The following REN variants were observed in gnomAD, a reference collection of about 807,000 sequenced individuals.
REN encodes renin.
A neutral mutation model predicts 48.6 loss-of-function variants in REN; 42 were observed. That is an observed-to-expected ratio of 0.86 (90% CI 0.68 to 1.12). The LOEUF (loss-of-function observed/expected upper bound fraction) is 1.12, where lower values mean the gene tolerates loss of function less well. Ranked by LOEUF, REN falls within the 50% of genes most tolerant of loss-of-function variation. The pLI, the probability that REN is intolerant of heterozygous loss-of-function variation, is 0.00. For missense variants in REN, 443 were observed against 527.3 expected (o/e 0.84, Z 1.57); for synonymous variants, 196 against 204.6 (o/e 0.96, Z 0.36).
chr1:204,159,247 T>C, intron 5 of REN, 152 bp downstream of exon 5: 1 of 729,728 alleles, frequency 1.4e-6, no homozygotes, highest in Admixed American at 2.0e-5. Flanking sequence ...ATTTCAATAG[T>C]GCCTTCCATA....
intron 4 of REN, among the ~76,000 whole-genome samples, 196 bp downstream of exon 4, chr1:204,160,364 T>C (rs532256918): frequency 6.6e-6 from 1 of 152,240 alleles, no homozygotes; most frequent in Non-Finnish European, 1.5e-5. Context: ...GGTGAGCCCG[T>C]AGCCCAGGCT....
rs1291070606 is a variant in REN at position 204,164,550 on chromosome 1, T to C, written c.98+1646A>G. Among the ~76,000 whole-genome samples the C allele has an allele frequency of 5.3e-5, 8 of 150,508 alleles. No homozygotes were observed. The East Asian group carries it at 1.6e-3, about 29-fold the overall frequency. On this transcript the variant is annotated intron_variant, in intron 1 of 9. Transcript: ENST00000272190. ...GAGGCCTTTTCTCAAATGCTGTCTCTTCCCCTTCTTCAGTCTTTTTTTTTT... is the reference window on the plus strand; with the variant it reads ...GAGGCCTTTTCTCAAATGCTGTCTCCTCCCCTTCTTCAGTCTTTTTTTTTT...
chr1:204,158,762 C>G (rs747449487), intron 5 of REN, among the ~76,000 whole-genome samples: 8 of 152,212 alleles, frequency 5.3e-5, no homozygotes, highest in Non-Finnish European at 7.3e-5. Context: ...GCCTGTGACA[C>G]TCTTTATGTT....
At position 204,155,116 on chromosome 1, in the gene REN, G is replaced by T; in HGVS notation, c.1121C>A (p.Pro374His). Reference sequence around the variant, plus strand: ...CCCCAGGGCCCAGGTGGGTCCAGTGGGTGGCGGGATATCCATGGCGTGGAT... The same window carrying T: ...CCCCAGGGCCCAGGTGGGTCCAGTGTGTGGCGGGATATCCATGGCGTGGAT... Reference protein sequence around the residue: ...LAIHAMDIPPPTGPTWALGAT... With the variant: ...LAIHAMDIPPHTGPTWALGAT... The change falls in exon 10 of 10, where the codon CCC becomes CAC. Residue 374 changes from proline to histidine, a missense_variant. Transcript: ENST00000272190. 6.2e-7 allele frequency: 1 copy of T among 1,614,244 alleles called. No individual in the cohort carries two copies. The highest frequency in any genetic ancestry group is 2.2e-5 in the East Asian group (1 of 44,884).
At position 204,156,075 on chromosome 1, in the gene REN, A is replaced by G. The variant is rs1658143063; in HGVS notation, c.960+103T>C. ...CACATGTGTGGAGAGTGTGAGGTGAACAAGCGAAGGCCTGAGATGGCCTCA... is the reference window on the plus strand; with the variant it reads ...CACATGTGTGGAGAGTGTGAGGTGAGCAAGCGAAGGCCTGAGATGGCCTCA... On this transcript the variant is annotated intron_variant, in intron 8 of 9. Coordinates refer to ENST00000272190, the MANE Select transcript of REN (RefSeq NM_000537.4). This position sits in a 1 kb window ranked among gnomAD's most constrained non-coding sequence, Gnocchi z 4.2. 1 of 1,558,184 alleles carries G rather than the reference A, an allele frequency of 6.4e-7. No individual in the cohort carries two copies. Among genetic ancestry groups the G allele is most frequent in the African/African-American group, 1.4e-5 (1 of 73,750 alleles).
Position 204,161,304 on chromosome 1 carries a change from A to G in REN, c.361T>C (p.Tyr121His), listed in dbSNP as rs1170054174. Reference protein sequence around the residue: ...WVPSSKCSRLYTACVYHKLFD... With the variant: ...WVPSSKCSRLHTACVYHKLFD... The stretch of plus-strand genomic sequence containing the variant: ...TCTTAGGTCTCACCACAGGCAGTGT[A>G]GAGACGGCTGCACTTGGAGGAGGGC... Residue 121 changes from tyrosine to histidine, a missense_variant, in exon 3 of 10, where the codon TAC (tyrosine) becomes CAC (histidine). By Grantham distance (83) the Tyr-to-His change is moderately conservative. Transcript: ENST00000272190. 6.2e-7 allele frequency: 1 copy of G among 1,607,526 alleles called. No individual in the cohort carries two copies. The highest frequency in any genetic ancestry group is 8.5e-7 in the Non-Finnish European group (1 of 1,176,930).
At chr1:204,159,809 G>A (rs145105357) in intron 4 of REN, among the ~76,000 whole-genome samples, 40 of 152,276 alleles carry the variant, frequency 2.6e-4, no homozygotes, top group African/African-American at 9.1e-4. Context: ...ACCAGGGATC[G>A]GAGAGCAGAG....
chr1:204,164,757 A>G (rs891602373), intron 1 of REN, among the ~76,000 whole-genome samples: 1 of 151,462 alleles, frequency 6.6e-6, no homozygotes, highest in African/African-American at 2.4e-5. Flanking sequence ...TTGTACAGAC[A>G]AGGTTTCACC....
At position 204,161,422 on chromosome 1, in the gene REN, G is replaced by A. The variant is rs1231429743; in HGVS notation, c.250-7C>T. On this transcript the variant is annotated splice_region_variant and splice_polypyrimidine_tract_variant and intron_variant, in intron 2 of 9. Coordinates refer to ENST00000272190, the MANE Select transcript of REN (RefSeq NM_000537.4). Reference sequence around the variant, plus strand: ...TCTCGCCATAGTACTGGGTCTGTGGGGGTAAAAAGAGAGGGCTGGAGGGGC... The same window carrying A: ...TCTCGCCATAGTACTGGGTCTGTGGAGGTAAAAAGAGAGGGCTGGAGGGGC... The A allele has an allele frequency of 2.2e-5, 34 of 1,539,858 alleles. No homozygotes were observed. The highest frequency in any genetic ancestry group is 2.9e-5 in the Non-Finnish European group (33 of 1,138,536).
intron 5 of REN, 30 bp downstream of exon 5, chr1:204,159,369 C>T (rs753176377): frequency 1.9e-6 from 3 of 1,601,736 alleles, no homozygotes; most frequent in Non-Finnish European, 2.6e-6. Context: ...CCTGTCCCCC[C>T]ACCTCAGCCC....
In REN at chr1:204,155,925, TG is replaced by T. The variant is rs748232669; in HGVS notation, c.961-8del. ...CGTTACACTTCACGACATACTGGGG[TG>T]GGGGGCAAAGAGAGCCTTCTTGAGT... On this transcript the variant is annotated splice_region_variant and splice_polypyrimidine_tract_variant and intron_variant, in intron 8 of 9. Transcript: ENST00000272190. 5.3e-5 allele frequency: 85 copies of T among 1,609,016 alleles called. No homozygotes were observed. The highest frequency in any genetic ancestry group is 2.5e-6 in the Non-Finnish European group (3 of 1,176,706).
chr1:204,160,753 G>A, intron 3 of REN, 75 bp from the exon 4 acceptor site: 1 of 1,034,678 alleles, frequency 9.7e-7, no homozygotes. Context: ...GGTGCATTGT[G>A]GGTATGGCTG....
rs1447924651 is a variant in REN at position 204,156,031 on chromosome 1, C to T, written c.961-113G>A. 17 of 1,440,680 alleles carry T rather than the reference C, an allele frequency of 1.2e-5. No homozygotes were observed. Among genetic ancestry groups the T allele is most frequent in the Middle Eastern group, 4.6e-4 (2 of 4,336 alleles). 89.2% of individuals were successfully genotyped at this position (1,440,680 alleles called of 1,614,324 possible). Reference sequence around the variant, plus strand: ...CTGGAGAGGGCTGGGGACAGTGCCCCGCCCCATGGGTGACCAGCCACATGT... The same window carrying T: ...CTGGAGAGGGCTGGGGACAGTGCCCTGCCCCATGGGTGACCAGCCACATGT... On this transcript the variant is annotated intron_variant, in intron 8 of 9. Coordinates refer to ENST00000272190, the MANE Select transcript of REN (RefSeq NM_000537.4). The surrounding 1 kb of genome is among the most constrained non-coding windows in gnomAD (Gnocchi z 4.2).
At chr1:204,159,687 A>ATGTGTGCCCCTGGGATCC in intron 4 of REN, 92 bp from the exon 5 acceptor site, 1 of 1,078,552 alleles carries the variant, frequency 9.3e-7, no homozygotes, top group Non-Finnish European at 1.4e-6. Context: ...TCCCAGGGGC[A>ATGTGTGCCCCTGGGATCC]CACATGCTCC....
At position 204,156,625 on chromosome 1, in the gene REN, C is replaced by T; in HGVS notation, c.818+52G>A. The stretch of plus-strand genomic sequence containing the variant: ...GCAGTCCTTCCCCACCCTCCCCAAC[C>T]CCAGTGACGGCAGCATTTTTTGGAG... On this transcript the variant is annotated intron_variant, in intron 7 of 9. Transcript: ENST00000272190. This position sits in a 1 kb window ranked among gnomAD's most constrained non-coding sequence, Gnocchi z 4.2. 6.2e-7 allele frequency: 1 copy of T among 1,612,064 alleles called. No homozygotes were observed. Among genetic ancestry groups the T allele is most frequent in the Non-Finnish European group, 8.5e-7 (1 of 1,178,476 alleles).
intron 9 of REN, 150 bp from the exon 10 acceptor site, chr1:204,155,327 A>G: frequency 1.1e-6 from 1 of 874,454 alleles, no homozygotes; most frequent in Non-Finnish European, 1.8e-6. Context: ...CATCATGGCC[A>G]TTTTGCCCCA....
intron 1 of REN, among the ~76,000 whole-genome samples, chr1:204,165,543 C>T (rs769416223): frequency 6.6e-5 from 10 of 151,880 alleles, no homozygotes; most frequent in Non-Finnish European, 1.5e-4. Context: ...CATTTAACCA[C>T]GATATCAAGC....
rs973387808 is a variant in REN at position 204,156,032 on chromosome 1, G to A, written c.961-114C>T. ...TGGAGAGGGCTGGGGACAGTGCCCCGCCCCATGGGTGACCAGCCACATGTG... is the reference window on the plus strand; with the variant it reads ...TGGAGAGGGCTGGGGACAGTGCCCCACCCCATGGGTGACCAGCCACATGTG... On this transcript the variant is annotated intron_variant, in intron 8 of 9. Transcript: ENST00000272190. The surrounding 1 kb of genome is among the most constrained non-coding windows in gnomAD (Gnocchi z 4.2). 25 of 1,447,068 alleles carry A rather than the reference G, an allele frequency of 1.7e-5. No individual in the cohort carries two copies. Among genetic ancestry groups the A allele is most frequent in the Middle Eastern group, 4.6e-4 (2 of 4,354 alleles). 89.6% of individuals were successfully genotyped at this position (1,447,068 alleles called of 1,614,324 possible).
chr1:204,158,177 C>A (rs575516811), intron 5 of REN, among the ~76,000 whole-genome samples: 2 of 149,478 alleles, frequency 1.3e-5, no homozygotes, highest in South Asian at 2.1e-4. Flanking sequence ...CACTTCCTGA[C>A]ACCCACGTCG....
Sources: allele counts gnomAD v4.1 joint callset (sites outside exome capture counted in the v4.1 genomes callset), GRCh38; gene constraint gnomAD v4.1.1; non-coding constraint Gnocchi (gnomAD v3.1); transcripts MANE v1.5; gene names NCBI Gene and HGNC (gene_info 2026-07-23, HGNC 2026-07-21).